The following VPS53 variants were observed in gnomAD, a reference collection of about 807,000 sequenced individuals.
VPS53 encodes the protein vacuolar protein sorting-associated protein 53 homolog.
Under a neutral mutation model 107.0 loss-of-function variants are expected in VPS53, and 70 were observed. The observed-to-expected ratio is 0.65, with a 90% CI of 0.54 to 0.80. VPS53 has a LOEUF of 0.80. VPS53 is among the 30% of genes least tolerant of loss of function. The pLI is 0.00. For synonymous variants in VPS53, 409 were observed against 393.3 expected, an observed-to-expected ratio of 1.04 and a Z score of -0.47; for missense variants, 917 against 1,049.4, an observed-to-expected ratio of 0.87 and a Z score of 1.74.
chr17:596,004 T>A (rs1967954813), intron 12 of VPS53, among the ~76,000 whole-genome samples: 2 of 152,078 alleles, frequency 1.3e-5, no homozygotes, highest in East Asian at 3.9e-4. Context: ...GGGGTCTGGA[T>A]CAATTTCCTG....
At chr17:560,681 A>G in intron 14 of VPS53, 108 bp from the exon 15 acceptor site, 1 of 1,333,894 alleles carries the variant, frequency 7.5e-7, no homozygotes, top group Non-Finnish European at 1.0e-6. Flanking sequence ...AAGGCTGGAC[A>G]TGGCCCAAAT....
intron 12 of VPS53, among the ~76,000 whole-genome samples, chr17:596,064 A>C (rs996501984): frequency 6.6e-6 from 1 of 152,264 alleles, no homozygotes; most frequent in African/African-American, 2.4e-5. Context: ...GGACGCTGGG[A>C]GATCAGTACA....
At position 519,205 on chromosome 17, in the gene VPS53, A is replaced by G. The variant is rs1415354102; in HGVS notation, c.2422T>C (p.Ser808Pro). Residue 808 changes from serine (S) to proline (P), a missense_variant, in exon 22 of 22, where the codon TCC (serine) becomes CCC (proline). Transcript: ENST00000437048. This position sits in a 1 kb window ranked among gnomAD's most constrained non-coding sequence, Gnocchi z 5.0. ...PSGAESSGSL[S>P]LTAPTPEQES... The stretch of plus-strand genomic sequence containing the variant: ...TGCTCTGGTGTTGGCGCCGTCAGGG[A>G]CAGTGAGCCGGAGCTTTCTGCCCCC... 5.2e-6 allele frequency: 8 copies of G among 1,549,348 alleles called. No individual in the cohort carries two copies. The highest frequency in any genetic ancestry group is 7.0e-6 in the Non-Finnish European group (8 of 1,146,350).
chr17:562,751 AG>A lies in VPS53; in HGVS notation c.1314-7del, dbSNP rs751110851. 2 of 1,578,058 alleles carry A rather than the reference AG, an allele frequency of 1.3e-6. No individual in the cohort carries two copies. Among genetic ancestry groups the A allele is most frequent in the Non-Finnish European group, 1.7e-6 (2 of 1,164,598 alleles). On this transcript the variant is annotated splice_region_variant and splice_polypyrimidine_tract_variant and intron_variant, in intron 13 of 21. Transcript: ENST00000437048. ...CTATCAGCTCTCCGAGGTTCCTAGG[AG>A]GAAAAAAAAAAACCAAAAATGTTAT...
intron 4 of VPS53, among the ~76,000 whole-genome samples, chr17:666,536 C>T (rs952258302): frequency 6.6e-5 from 10 of 152,062 alleles, no homozygotes; most frequent in South Asian, 2.1e-4. Flanking sequence ...TGGTGGCAGG[C>T]GCCTGTAATC....
intron 17 of VPS53, among the ~76,000 whole-genome samples, chr17:543,046 C>G (rs1017002237): frequency 2.6e-5 from 4 of 151,406 alleles, no homozygotes; most frequent in African/African-American, 9.7e-5. Flanking sequence ...TGGGAAAAAT[C>G]TTTTTTATGA....
chr17:648,452 G>A (rs1261664272), intron 7 of VPS53, among the ~76,000 whole-genome samples: 2 of 152,198 alleles, frequency 1.3e-5, no homozygotes, highest in African/African-American at 2.4e-5. Context: ...TTGGGAGGCT[G>A]AGGCAGGAGA....
intron 11 of VPS53, among the ~76,000 whole-genome samples, chr17:606,010 G>A (rs974638683): frequency 6.6e-6 from 1 of 152,148 alleles, no homozygotes; most frequent in South Asian, 2.1e-4. Flanking sequence ...CAGTTTAAGA[G>A]GCTGCTACAG....
intron 7 of VPS53, among the ~76,000 whole-genome samples, chr17:649,685 G>A (rs560156654): frequency 0.014 from 2,136 of 150,612 alleles, 18 homozygotes; most frequent in Middle Eastern, 0.031. Context: ...ATCTTACACT[G>A]GAGGACAGAG....
chr17:601,786 C>A lies in VPS53; in HGVS notation c.1218+9G>T. 2 of 1,587,072 alleles carry A rather than the reference C, an allele frequency of 1.3e-6. No homozygotes were observed. The highest frequency in any genetic ancestry group is 1.7e-6 in the Non-Finnish European group (2 of 1,166,400). ...GTAGGTTACCCGTGGTGACGCAAAC[C>A]AGACTTACTTGATCTAAATCTCCTT... On this transcript the variant is annotated intron_variant, in intron 12 of 21. Transcript: ENST00000437048.
At chr17:588,756 T>C (rs1053756522) in intron 12 of VPS53, among the ~76,000 whole-genome samples, 5 of 152,220 alleles carry the variant, frequency 3.3e-5, no homozygotes, top group Admixed American at 6.5e-5. Flanking sequence ...GCCTGGCTGA[T>C]TGAGCTTGAA....
At chr17:669,035 A>G (rs962800611) in intron 4 of VPS53, among the ~76,000 whole-genome samples, 4 of 152,180 alleles carry the variant, frequency 2.6e-5, no homozygotes, top group African/African-American at 9.7e-5. Flanking sequence ...GAAATGTACT[A>G]TAATTCATTT....
chr17:549,746 CA>C (rs1911651641), intron 17 of VPS53, among the ~76,000 whole-genome samples: 1 of 152,084 alleles, frequency 6.6e-6, no homozygotes, highest in African/African-American at 2.4e-5. Context: ...TGAGAGCTGG[CA>C]AAACGAATCC....
intron 13 of VPS53, among the ~76,000 whole-genome samples, chr17:567,611 C>A (rs1913643779): frequency 6.6e-6 from 1 of 151,988 alleles, no homozygotes; most frequent in Non-Finnish European, 1.5e-5. Context: ...AGCAATTCTC[C>A]TGCCTCAGCC....
chr17:684,753 G>A (rs1367799902), intron 4 of VPS53, among the ~76,000 whole-genome samples: 6 of 152,080 alleles, frequency 3.9e-5, no homozygotes, highest in African/African-American at 9.7e-5. Context: ...TTGGGAGGCC[G>A]AGGCGAGTGA....
intron 11 of VPS53, among the ~76,000 whole-genome samples, chr17:617,526 CAGGT>C (rs1474731342): frequency 6.6e-6 from 1 of 152,248 alleles, no homozygotes; most frequent in Non-Finnish European, 1.5e-5. Context: ...CTCAGCCTCT[CAGGT>C]AGCTGGGACT....
chr17:662,576 C>G (rs1339788676), intron 4 of VPS53, among the ~76,000 whole-genome samples: 3 of 151,906 alleles, frequency 2.0e-5, no homozygotes, highest in Non-Finnish European at 4.4e-5. Flanking sequence ...GTAGTCCCAG[C>G]TACTCAGGAA....
chr17:631,247 T>C (rs1969946300), intron 8 of VPS53, among the ~76,000 whole-genome samples: 1 of 151,568 alleles, frequency 6.6e-6, no homozygotes, highest in Non-Finnish European at 1.5e-5. Context: ...AAGATTTCTT[T>C]TAAATACAGC....
intron 7 of VPS53, among the ~76,000 whole-genome samples, chr17:631,843 C>CA (rs1969977352): frequency 6.6e-6 from 1 of 152,020 alleles, no homozygotes; most frequent in African/African-American, 2.4e-5. Flanking sequence ...TCTATATCCC[C>CA]AAAATTCTTC....
Sources: allele counts gnomAD v4.1 joint callset (sites outside exome capture counted in the v4.1 genomes callset), GRCh38; gene constraint gnomAD v4.1.1; non-coding constraint Gnocchi (gnomAD v3.1); transcripts MANE v1.5; gene names NCBI Gene and HGNC (gene_info 2026-07-23, HGNC 2026-07-21).